Variants in ABL1 observed in about 807,000 individuals in gnomAD.
ABL1 encodes the protein tyrosine-protein kinase ABL1.
ABL1 carries 11 observed loss-of-function variants against 94.7 expected under a neutral mutation model. The ratio of observed to expected loss-of-function variants is 0.12; its 90% CI spans 0.07 to 0.19. ABL1 has a LOEUF of 0.19. Among genes scored for constraint, ABL1 ranks in the 10% least tolerant of loss-of-function variants. The pLI is 1.00. For missense variants in ABL1, 1,082 were observed against 1,489.4 expected (o/e 0.73, Z 4.50); for synonymous variants, 656 against 622.4 (o/e 1.05, Z -0.80).
chr9:130,869,166 CA>C (rs11349952), intron 4 of ABL1, among the ~76,000 whole-genome samples: 46,754 of 142,534 alleles, frequency 0.33, 11,672 homozygotes, highest in African/African-American at 0.71. Flanking sequence ...GACTCCGTCT[CA>C]AAAAAAAAAA....
intron 1 of ABL1, among the ~76,000 whole-genome samples, chr9:130,770,430 C>T (rs760998923): frequency 6.6e-6 from 1 of 152,090 alleles, no homozygotes; most frequent in Non-Finnish European, 1.5e-5. Flanking sequence ...TCACCTGAGC[C>T]CAGGAGTTTG....
At position 130,878,662 on chromosome 9, in the gene ABL1, A is replaced by G; in HGVS notation, c.1423+95A>G. 4 of 1,459,368 alleles carry G rather than the reference A, an allele frequency of 2.7e-6. No individual in the cohort carries two copies. The South Asian group carries it at 3.9e-5, about 14-fold the overall frequency. The allele number at this position is 1,459,368 out of a possible 1,614,324, so 90.4% of individuals were successfully genotyped here. On this transcript the variant is annotated intron_variant, in intron 8 of 10. Coordinates refer to ENST00000318560, the MANE Select transcript of ABL1 (RefSeq NM_005157.6). Reference sequence around the variant, plus strand: ...TGTACACAAAGTTGAAAGTTTTTCCATGAGCTCTCTCCATTCCAGTTCTTC... The same window carrying G: ...TGTACACAAAGTTGAAAGTTTTTCCGTGAGCTCTCTCCATTCCAGTTCTTC...
intron 1 of ABL1, among the ~76,000 whole-genome samples, chr9:130,718,848 C>T (rs1172108566): frequency 6.6e-6 from 1 of 152,180 alleles, no homozygotes; most frequent in Non-Finnish European, 1.5e-5. Context: ...CGCCACTGCA[C>T]TGCAGCCTGG....
chr9:130,844,467 C>T (rs1830727914), intron 1 of ABL1, among the ~76,000 whole-genome samples: 1 of 151,184 alleles, frequency 6.6e-6, no homozygotes, highest in Non-Finnish European at 1.5e-5. Context: ...ACTTTTTCAC[C>T]GTAGATTCTT....
chr9:130,846,342 C>T (rs561649998), intron 1 of ABL1, among the ~76,000 whole-genome samples: 1 of 152,228 alleles, frequency 6.6e-6, no homozygotes, highest in South Asian at 2.1e-4. Flanking sequence ...AAATAAAACA[C>T]GAAGCCTCTT....
At chr9:130,790,319 C>T (rs978324136) in intron 1 of ABL1, among the ~76,000 whole-genome samples, 5 of 152,186 alleles carry the variant, frequency 3.3e-5, no homozygotes, top group African/African-American at 1.2e-4. Flanking sequence ...CAGCTTTATC[C>T]ATGCTGTGAG....
At position 130,885,110 on chromosome 9, in the gene ABL1, T is replaced by C. The variant is rs1300805490; in HGVS notation, c.2820T>C (p.Ala940=). 1 of 1,612,126 alleles carries C rather than the reference T, an allele frequency of 6.2e-7. No individual in the cohort carries two copies. Among genetic ancestry groups the C allele is most frequent in the Admixed American group, 1.7e-5 (1 of 59,956 alleles). Residue 940 remains alanine (A), a synonymous_variant, in exon 11 of 11, where the codon GCT becomes GCC. Transcript: ENST00000318560. ...AKTKATSLVD[A]VNSDAAKPSQ... is the part of the protein sequence containing the mutation. Reference sequence around the variant, plus strand: ...CAAAAGCCACGAGTCTGGTTGATGCTGTGAACAGTGACGCTGCCAAGCCCA... The same window carrying C: ...CAAAAGCCACGAGTCTGGTTGATGCCGTGAACAGTGACGCTGCCAAGCCCA...
chr9:130,842,679 CAT>C (rs1830694252), intron 1 of ABL1, among the ~76,000 whole-genome samples: 1 of 152,180 alleles, frequency 6.6e-6, no homozygotes, highest in Admixed American at 6.5e-5. Context: ...TCCATGAAGA[CAT>C]GTTAAAAGAA....
intron 1 of ABL1, among the ~76,000 whole-genome samples, chr9:130,811,768 G>C (rs1216310934): frequency 6.6e-6 from 1 of 151,818 alleles, no homozygotes; most frequent in Admixed American, 6.6e-5. Context: ...AATTAGCCGG[G>C]CATGGTGGTG....
chr9:130,835,350 G>C lies in ABL1; in HGVS notation c.-97G>C. 2 of 421,328 alleles carry C rather than the reference G, an allele frequency of 4.7e-6. No individual in the cohort carries two copies. The highest frequency in any genetic ancestry group is 5.2e-6 in the Non-Finnish European group (2 of 382,420). The allele number at this position is 421,328 out of a possible 1,614,324, so 26.1% of individuals were successfully genotyped here. On this transcript the variant is annotated 5_prime_UTR_variant, in exon 1 of 11. Transcript: ENST00000318560. This position sits in a 1 kb window ranked among gnomAD's most constrained non-coding sequence, Gnocchi z 4.6. Reference sequence around the variant, plus strand: ...GGTGAGGGCGGCTGGCGGGGCCGGGGGCGCCGGGGGGGCGCGCGGGCCGAG... The same window carrying C: ...GGTGAGGGCGGCTGGCGGGGCCGGGCGCGCCGGGGGGGCGCGCGGGCCGAG...
At chr9:130,752,940 C>T in intron 1 of ABL1, among the ~76,000 whole-genome samples, 1 of 134,152 alleles carries the variant, frequency 7.5e-6, no homozygotes, top group Non-Finnish European at 1.6e-5. Flanking sequence ...GCCTGGGTTA[C>T]AAAGCGAGAC....
intron 1 of ABL1, among the ~76,000 whole-genome samples, chr9:130,722,150 T>G (rs573209164): frequency 6.6e-6 from 1 of 151,990 alleles, no homozygotes; most frequent in Non-Finnish European, 1.5e-5. Context: ...CCCAGCACTT[T>G]GGGAGGCTGA....
intron 1 of ABL1, among the ~76,000 whole-genome samples, chr9:130,841,529 A>G: frequency 6.6e-6 from 1 of 150,508 alleles, no homozygotes; most frequent in East Asian, 2.0e-4. Flanking sequence ...ATTGGTTTTC[A>G]GGCCGGGCGC....
chr9:130,741,260 A>C (rs1564275510), intron 1 of ABL1, among the ~76,000 whole-genome samples: 1 of 151,948 alleles, frequency 6.6e-6, no homozygotes, highest in East Asian at 1.9e-4. Context: ...CAGCAGACCC[A>C]TGGTCGAGGG....
intron 1 of ABL1, among the ~76,000 whole-genome samples, chr9:130,795,450 A>G (rs1829962192): frequency 6.6e-6 from 1 of 152,126 alleles, no homozygotes; most frequent in Admixed American, 6.5e-5. Flanking sequence ...CAGATTAGAA[A>G]CTTCTGCTTG....
exon 1 of ABL1, among the ~76,000 whole-genome samples, chr9:130,713,385 T>G (rs2132660098): frequency 6.6e-6 from 1 of 152,238 alleles, no homozygotes; most frequent in African/African-American, 2.4e-5. Context: ...ACACTGCGGG[T>G]GGTCTGTTTC....
Position 130,854,084 on chromosome 9 carries a change from G to C in ABL1, c.100G>C (p.Ala34Pro). 1 of 1,613,646 alleles carries C rather than the reference G, an allele frequency of 6.2e-7. No homozygotes were observed. The highest frequency in any genetic ancestry group is 1.1e-5 in the South Asian group (1 of 90,996). The change falls in exon 2 of 11, where the codon GCA (alanine) becomes CCA (proline). Residue 34 changes from alanine to proline, a missense_variant. By Grantham distance (27) the Ala-to-Pro change is conservative (BLOSUM62 -1). Coordinates refer to ENST00000318560, the MANE Select transcript of ABL1 (RefSeq NM_005157.6). ...TCCAGAAGCCCTTCAGCGGCCAGTA[G>C]CATCTGACTTTGAGCCTCAGGGTCT... ...YLEEALQRPV[A>P]SDFEPQGLSE...
At chr9:130,859,438 CA>C (rs1831028103) in intron 3 of ABL1, among the ~76,000 whole-genome samples, 1 of 152,070 alleles carries the variant, frequency 6.6e-6, no homozygotes, top group African/African-American at 2.4e-5. Flanking sequence ...AAGCCGAGCA[CA>C]TGGCTAACCT....
intron 1 of ABL1, among the ~76,000 whole-genome samples, chr9:130,741,524 T>C (rs985663447): frequency 4.0e-5 from 6 of 149,690 alleles, no homozygotes; most frequent in African/African-American, 1.2e-4. Flanking sequence ...CACACTGATA[T>C]ACTAGTTACC....
Sources: gnomAD v4.1 joint callset for allele counts (sites outside exome capture counted in the v4.1 genomes callset) on GRCh38, gnomAD v4.1.1 for gene constraint, Gnocchi (gnomAD v3.1) non-coding constraint, MANE v1.5 for transcripts, NCBI Gene and HGNC (gene_info 2026-07-23, HGNC 2026-07-21) for gene names.